The following TSG101 variants were observed in gnomAD, a reference collection of about 807,000 sequenced individuals.
TSG101 encodes the protein tumor susceptibility 101.
TSG101 carries 19 observed loss-of-function variants against 48.5 expected under a neutral mutation model. The observed-to-expected ratio is 0.39, with a 90% CI of 0.27 to 0.58. The LOEUF (loss-of-function observed/expected upper bound fraction) is 0.58. Among genes scored for constraint, TSG101 ranks in the 20% least tolerant of loss-of-function variants. The pLI is 0.55. For missense variants in TSG101, 365 were observed against 484.4 expected (o/e 0.75, Z 2.31); for synonymous variants, 174 against 169.4 (o/e 1.03, Z -0.21).
chr11:18,502,949 G>C (rs976173049), intron 6 of TSG101, among the ~76,000 whole-genome samples: 10 of 152,166 alleles, frequency 6.6e-5, no homozygotes, highest in African/African-American at 2.4e-4. Flanking sequence ...ATTTGTACCT[G>C]TGGCTTATTG....
chr11:18,491,243 G>A (rs1205598413), intron 7 of TSG101: 2 of 153,148 alleles, frequency 1.3e-5, no homozygotes, highest in Admixed American at 1.3e-4. Flanking sequence ...AGAACTTCCT[G>A]ACTAATTAGA....
chr11:18,499,414 T>A (rs1396707980), intron 7 of TSG101, among the ~76,000 whole-genome samples: 2 of 24,088 alleles, frequency 8.3e-5, no homozygotes, highest in African/African-American at 1.2e-4. Flanking sequence ...TTTTTTTTTT[T>A]TTTTTTTTTT....
intron 7 of TSG101, 43 bp from the exon 8 acceptor site, chr11:18,484,115 T>C (rs757646599): frequency 1.2e-6 from 2 of 1,600,486 alleles, no homozygotes. Context: ...ACTTCCCAAG[T>C]TCCTTCTATT....
chr11:18,482,918 A>G (rs1159838822), intron 8 of TSG101, among the ~76,000 whole-genome samples: 1 of 152,172 alleles, frequency 6.6e-6, no homozygotes, highest in Non-Finnish European at 1.5e-5. Flanking sequence ...CTTTGGGTTA[A>G]AACATCCTTT....
intron 7 of TSG101, among the ~76,000 whole-genome samples, chr11:18,487,061 C>T (rs1392610575): frequency 3.5e-5 from 5 of 141,232 alleles, no homozygotes. Flanking sequence ...TAGGTGGGAA[C>T]TGAACAATGA....
chr11:18,496,757 G>A (rs1849790111), intron 7 of TSG101, among the ~76,000 whole-genome samples: 1 of 152,080 alleles, frequency 6.6e-6, no homozygotes. Context: ...CAGCACTGCT[G>A]CACTCCAGCC....
chr11:18,515,783 T>C (rs1184778065), intron 3 of TSG101, among the ~76,000 whole-genome samples: 2 of 152,218 alleles, frequency 1.3e-5, no homozygotes, highest in Admixed American at 6.5e-5. Flanking sequence ...TCAGGAAAGT[T>C]TGAATGGTGT....
chr11:18,503,619 G>A (rs1472604961), intron 6 of TSG101, among the ~76,000 whole-genome samples: 2 of 152,088 alleles, frequency 1.3e-5, no homozygotes, highest in East Asian at 1.9e-4. Flanking sequence ...TGATTCACCC[G>A]CCTCAGCCTC....
chr11:18,496,969 T>C (rs559096063), intron 7 of TSG101, among the ~76,000 whole-genome samples: 6 of 152,152 alleles, frequency 3.9e-5, no homozygotes, highest in South Asian at 2.1e-4. Flanking sequence ...TACGCTCCTC[T>C]AATCCCAGCT....
chr11:18,489,185 G>T (rs1849663934), intron 7 of TSG101, among the ~76,000 whole-genome samples: 1 of 150,178 alleles, frequency 6.7e-6, no homozygotes, highest in Non-Finnish European at 1.5e-5. Context: ...AGGAAATTCA[G>T]TACTCCTCAA....
Position 18,517,797 on chromosome 11 carries a change from C to T in TSG101, c.128-1633G>A, listed in dbSNP as rs570799864. ...CATTTCTCAGACCATATCTCTATCA[C>T]TACAAAATGCACGACTGTACATTCT... On this transcript the variant is annotated intron_variant, in intron 2 of 9. Coordinates refer to ENST00000251968, the MANE Select transcript of TSG101 (RefSeq NM_006292.4). Among the ~76,000 whole-genome samples, 3 of 152,342 alleles carry T rather than the reference C, an allele frequency of 2.0e-5. No individual in the cohort carries two copies. The South Asian group carries it at 6.2e-4, about 32-fold the overall frequency.
chr11:18,520,158 T>C lies in TSG101; in HGVS notation c.43-555A>G, dbSNP rs534711060. Among the ~76,000 whole-genome samples, 74 of 152,328 alleles carry C rather than the reference T, an allele frequency of 4.9e-4. No individual in the cohort carries two copies. In the South Asian group the frequency reaches 0.015, roughly 31 times the overall value. ...CTTATTCATACAATGTGATCTTTCA[T>C]GACTAAATTATTTCACTTAGCATGT... On this transcript the variant is annotated intron_variant, in intron 1 of 9. Coordinates refer to ENST00000251968, the MANE Select transcript of TSG101 (RefSeq NM_006292.4).
intron 4 of TSG101, among the ~76,000 whole-genome samples, chr11:18,511,706 G>A (rs1270142674): frequency 6.6e-6 from 1 of 151,926 alleles, no homozygotes; most frequent in African/African-American, 2.4e-5. Context: ...ATTATTTCAC[G>A]AAGCTATGCA....
chr11:18,500,300 A>G (rs574905162), intron 7 of TSG101, among the ~76,000 whole-genome samples: 1 of 152,308 alleles, frequency 6.6e-6, no homozygotes, highest in African/African-American at 2.4e-5. Flanking sequence ...GAGTACAGGT[A>G]TTCCTTTAAT....
chr11:18,495,114 T>C (rs989481848), intron 7 of TSG101, among the ~76,000 whole-genome samples: 3 of 152,200 alleles, frequency 2.0e-5, no homozygotes, highest in African/African-American at 7.2e-5. Flanking sequence ...CTTCCAAACT[T>C]ACTGTTTCTG....
chr11:18,505,877 G>A (rs1849963775), intron 6 of TSG101, among the ~76,000 whole-genome samples: 1 of 152,084 alleles, frequency 6.6e-6, no homozygotes, highest in Non-Finnish European at 1.5e-5. Context: ...GAGTGTAATG[G>A]CGCGATCTCG....
chr11:18,518,744 G>A (rs1293712654), intron 2 of TSG101, among the ~76,000 whole-genome samples: 1 of 151,864 alleles, frequency 6.6e-6, no homozygotes, highest in African/African-American at 2.4e-5. Context: ...AATAACTTTA[G>A]GATGTATTAT....
chr11:18,483,778 T>C, intron 8 of TSG101, 92 bp downstream of exon 8: 1 of 1,371,502 alleles, frequency 7.3e-7, no homozygotes, highest in South Asian at 1.2e-5. Context: ...TCTGAACTCC[T>C]ACTATGCCCA....
At chr11:18,497,106 A>C (rs923042232) in intron 7 of TSG101, among the ~76,000 whole-genome samples, 1 of 152,116 alleles carries the variant, frequency 6.6e-6, no homozygotes, top group Non-Finnish European at 1.5e-5. Flanking sequence ...ACAACAACAA[A>C]AAAAACAAGG....
Sources: allele counts gnomAD v4.1 joint callset (sites outside exome capture counted in the v4.1 genomes callset), GRCh38; gene constraint gnomAD v4.1.1; transcripts MANE v1.5; gene names NCBI Gene and HGNC (gene_info 2026-07-23, HGNC 2026-07-21).